The following ORC5 variants were observed in gnomAD, a reference collection of about 807,000 sequenced individuals.
ORC5 encodes the protein origin recognition complex subunit 5.
ORC5 carries 39 observed loss-of-function variants against 58.8 expected under a neutral mutation model. The ratio of observed to expected loss-of-function variants is 0.66; its 90% confidence interval spans 0.51 to 0.87. ORC5 has a LOEUF of 0.87. Among genes scored for constraint, ORC5 ranks in the 40% least tolerant of loss-of-function variants. ORC5 has a pLI of 0.00. For missense variants in ORC5, 493 were observed against 506.3 expected, an observed-to-expected ratio of 0.97 and a Z score of 0.25; for synonymous variants, 218 against 177.6, an observed-to-expected ratio of 1.23 and a Z score of -1.81.
chr7:104,160,279 G>A (rs1799000711), intron 12 of ORC5, among the ~76,000 whole-genome samples: 1 of 151,996 alleles, frequency 6.6e-6, no homozygotes, highest in Admixed American at 6.6e-5. Flanking sequence ...AGCTATTCTG[G>A]GGCCAGATTT....
At chr7:104,141,461 T>G (rs1364325005) in intron 12 of ORC5, among the ~76,000 whole-genome samples, 1 of 152,314 alleles carries the variant, frequency 6.6e-6, no homozygotes, top group South Asian at 2.1e-4. Context: ...GTAAGATCTA[T>G]CTTTTGCCAC....
intron 11 of ORC5, among the ~76,000 whole-genome samples, chr7:104,163,556 G>A (rs759189512): frequency 1.2e-4 from 19 of 152,120 alleles, no homozygotes; most frequent in Admixed American, 1.0e-3. Flanking sequence ...GCGTGATCTC[G>A]GCTCACTGCA....
chr7:104,170,210 T>A (rs1171377246), intron 8 of ORC5, among the ~76,000 whole-genome samples: 1 of 152,072 alleles, frequency 6.6e-6, no homozygotes, highest in African/African-American at 2.4e-5. Context: ...GCTCAGAGGT[T>A]TTTTTCTGTT....
chr7:104,130,296 C>T (rs976455583), intron 13 of ORC5, among the ~76,000 whole-genome samples: 1 of 152,190 alleles, frequency 6.6e-6, no homozygotes, highest in Non-Finnish European at 1.5e-5. Context: ...CAGCTTCCTA[C>T]AGCTTCTCTG....
At chr7:104,192,030 C>G (rs1378620981) in intron 5 of ORC5, among the ~76,000 whole-genome samples, 1 of 152,006 alleles carries the variant, frequency 6.6e-6, no homozygotes, top group Non-Finnish European at 1.5e-5. Context: ...AAAAGGTAAA[C>G]AAATAAGGTG....
At chr7:104,147,070 A>G (rs1415656948) in intron 12 of ORC5, among the ~76,000 whole-genome samples, 1 of 152,212 alleles carries the variant, frequency 6.6e-6, no homozygotes, top group African/African-American at 2.4e-5. Flanking sequence ...CTGTCAGAAT[A>G]AATGTTATCT....
intron 2 of ORC5, among the ~76,000 whole-genome samples, chr7:104,203,364 G>C (rs10267412): frequency 0.057 from 8,626 of 152,184 alleles, 808 homozygotes; most frequent in African/African-American, 0.2. Context: ...AGTCAAGCAG[G>C]TGAGACAGAA....
At chr7:104,174,095 C>A (rs920783242) in intron 8 of ORC5, among the ~76,000 whole-genome samples, 12 of 152,132 alleles carry the variant, frequency 7.9e-5, no homozygotes, top group African/African-American at 2.9e-4. Context: ...CCGCCCGCCT[C>A]GGCCTCCCAA....
Position 104,126,682 on chromosome 7 carries a change from C to A in ORC5, c.*166G>T. 1.8e-6 allele frequency: 1 copy of A among 568,474 alleles called. No homozygotes were observed. The highest frequency in any genetic ancestry group is 3.1e-6 in the Non-Finnish European group (1 of 321,672). The allele number at this position is 568,474 out of a possible 1,614,324, so 35.2% of individuals were successfully genotyped here. On this transcript the variant is annotated 3_prime_UTR_variant, in exon 14 of 14. Coordinates refer to ENST00000297431, the MANE Select transcript of ORC5 (RefSeq NM_002553.4). ...GTAAATAGTCTTCTGCTCACATCCA[C>A]CCAGACCAATCAGAATATTTTCATC...
intron 9 of ORC5, 93 bp from the exon 10 acceptor site, chr7:104,166,977 T>C (rs1050497081): frequency 1.4e-6 from 1 of 693,562 alleles, no homozygotes; most frequent in Non-Finnish European, 2.5e-6. Flanking sequence ...CCATATGGTA[T>C]TCTCTAGTCA....
chr7:104,165,318 A>C (rs763266259), intron 10 of ORC5, 36 bp from the exon 11 acceptor site: 1 of 1,188,656 alleles, frequency 8.4e-7, no homozygotes, highest in South Asian at 1.3e-5. Flanking sequence ...AGTTGAAAAG[A>C]CAGTATTCCA....
chr7:104,153,886 G>T (rs978800164), intron 12 of ORC5, among the ~76,000 whole-genome samples: 1 of 151,992 alleles, frequency 6.6e-6, no homozygotes, highest in Non-Finnish European at 1.5e-5. Context: ...GATTTCTAGT[G>T]TTATCTGACT....
chr7:104,207,712 T>C lies in ORC5; in HGVS notation c.72+121A>G, dbSNP rs76144277. The C allele has an allele frequency of 2.6e-3, 2,100 of 817,284 alleles. 65 individuals carry two copies. In the East Asian group the frequency reaches 0.048, roughly 19 times the overall value. 50.6% of individuals were successfully genotyped at this position (817,284 alleles called of 1,614,324 possible). A position where few individuals can be genotyped will look rare whatever the true frequency, so the allele number is the denominator to read the frequency against. ...GCAGTACAGAACCACAACACCCCTA[T>C]TTAACGTAAAAACGGCCTTTTGGCC... On this transcript the variant is annotated intron_variant, in intron 1 of 13. Transcript: ENST00000297431.
chr7:104,136,620 T>C lies in ORC5; in HGVS notation c.1262+161A>G, dbSNP rs1798591621. ...AGCTATTTCTCCCAGTTTTACATCA[T>C]TTGTAAATTTGAGAAGGTTCATTCT... is the stretch of plus-strand genomic sequence containing the variant. On this transcript the variant is annotated intron_variant, in intron 13 of 13. Coordinates refer to ENST00000297431, the MANE Select transcript of ORC5 (RefSeq NM_002553.4). The surrounding 1 kb of genome is among the most constrained non-coding windows in gnomAD (Gnocchi z 4.2). 6.6e-6 allele frequency among the ~76,000 whole-genome samples: 1 copy of C among 152,238 alleles called. No individual in the cohort carries two copies. Among genetic ancestry groups the C allele is most frequent in the Admixed American group, 6.5e-5 (1 of 15,286 alleles).
At chr7:104,195,347 C>A in intron 4 of ORC5, 93 bp from the exon 5 acceptor site, 1 of 617,016 alleles carries the variant, frequency 1.6e-6, no homozygotes. Context: ...ATACATCCCC[C>A]CAGAGTTCTA....
At chr7:104,158,005 T>A (rs991129059) in intron 12 of ORC5, among the ~76,000 whole-genome samples, 1 of 152,158 alleles carries the variant, frequency 6.6e-6, no homozygotes, top group South Asian at 2.1e-4. Flanking sequence ...CAGGTGATTT[T>A]AAACTATTAT....
At chr7:104,145,834 C>G (rs756735844) in intron 12 of ORC5, among the ~76,000 whole-genome samples, 3 of 152,128 alleles carry the variant, frequency 2.0e-5, no homozygotes, top group African/African-American at 4.8e-5. Flanking sequence ...CAGCACTTTC[C>G]AATCCACAAC....
chr7:104,133,652 T>C lies in ORC5; in HGVS notation c.1262+3129A>G, dbSNP rs1798546275. Among the ~76,000 whole-genome samples the C allele has an allele frequency of 6.6e-6, 1 of 152,110 alleles. No homozygotes were observed. The highest frequency in any genetic ancestry group is 2.1e-4 in the South Asian group (1 of 4,826). On this transcript the variant is annotated intron_variant, in intron 13 of 13. Coordinates refer to ENST00000297431, the MANE Select transcript of ORC5 (RefSeq NM_002553.4). The surrounding 1 kb of genome is among the most constrained non-coding windows in gnomAD (Gnocchi z 4.7). ...GGCATTATTAATACACAGATGATTGTTGAAGTCACAGGTGTGGCTCAAGTT... is the reference window on the plus strand; with the variant it reads ...GGCATTATTAATACACAGATGATTGCTGAAGTCACAGGTGTGGCTCAAGTT...
intron 11 of ORC5, among the ~76,000 whole-genome samples, chr7:104,163,207 T>G (rs1209585295): frequency 6.6e-6 from 1 of 152,210 alleles, no homozygotes; most frequent in Non-Finnish European, 1.5e-5. Flanking sequence ...CTGTTTCTTC[T>G]CTGACACACA....
Sources: allele counts gnomAD v4.1 joint callset (sites outside exome capture counted in the v4.1 genomes callset), GRCh38; gene constraint gnomAD v4.1.1; non-coding constraint Gnocchi (gnomAD v3.1); transcripts MANE v1.5; gene names NCBI Gene and HGNC (gene_info 2026-07-23, HGNC 2026-07-21).